Variants in SHQ1 observed in about 807,000 individuals in gnomAD.
The protein encoded by SHQ1 is protein SHQ1 homolog.
A neutral mutation model predicts 53.8 loss-of-function variants in SHQ1; 49 were observed. The ratio of observed to expected loss-of-function variants is 0.91; its 90% CI spans 0.72 to 1.16. The LOEUF is 1.16. SHQ1 is among the 50% of genes most tolerant of loss of function. The pLI, the probability that SHQ1 is intolerant of heterozygous loss-of-function variation, is 0.00. For synonymous variants in SHQ1, 243 were observed against 251.0 expected, an observed-to-expected ratio of 0.97 and a Z score of 0.30; for missense variants, 738 against 683.1, an observed-to-expected ratio of 1.08 and a Z score of -0.90.
rs548954455 is a variant in SHQ1 at position 72,769,858 on chromosome 3, G to C, written c.1182-19022C>G. Among the ~76,000 whole-genome samples the C allele has an allele frequency of 3.6e-4, 55 of 152,300 alleles. No homozygotes were observed. The South Asian group carries it at 0.01, about 28-fold the overall frequency. On this transcript the variant is annotated intron_variant, in intron 10 of 10. Transcript: ENST00000325599. ...GTCGGCAAACAACTGACTGACCACA[G>C]CAAGGAGGTTAAGAGCTCAGGCTCT...
chr3:72,785,138 G>A (rs1352153024), intron 10 of SHQ1, among the ~76,000 whole-genome samples: 3 of 152,214 alleles, frequency 2.0e-5, no homozygotes, highest in South Asian at 2.1e-4. Context: ...CATGTGCAGT[G>A]AGAGAGAAGA....
Position 72,848,214 on chromosome 3 carries a change from T to TA in SHQ1, c.126_127insT (p.Lys43Ter). ...CGAACTCGCCTGAGAAAGTATGGCTTGGCGTAGAACTTGAAGTCAGACCCC... is the reference window on the plus strand; with the variant it reads ...CGAACTCGCCTGAGAAAGTATGGCTTAGGCGTAGAACTTGAAGTCAGACCCC... On this transcript the variant is annotated frameshift_variant, in exon 1 of 11. Coordinates refer to ENST00000325599, the MANE Select transcript of SHQ1 (RefSeq NM_018130.3). LOFTEE classifies it high-confidence loss of function. The TA allele has an allele frequency of 6.2e-7, 1 of 1,614,160 alleles. No homozygotes were observed. The highest frequency in any genetic ancestry group is 8.5e-7 in the Non-Finnish European group (1 of 1,180,024).
intron 9 of SHQ1, among the ~76,000 whole-genome samples, chr3:72,808,638 G>T (rs147575514): frequency 3.9e-5 from 6 of 152,288 alleles, no homozygotes; most frequent in Admixed American, 2.6e-4. Context: ...ACACGCAGCT[G>T]TGGTTATTAT....
At chr3:72,753,105 C>A (rs927245808) in intron 10 of SHQ1, 1 of 985,240 alleles carries the variant, frequency 1.0e-6, no homozygotes, top group African/African-American at 1.7e-5. Context: ...TGGCATTCTC[C>A]AAAGATGACT....
At chr3:72,804,618 G>A (rs549732126) in intron 9 of SHQ1, among the ~76,000 whole-genome samples, 8 of 152,168 alleles carry the variant, frequency 5.3e-5, no homozygotes, top group African/African-American at 1.2e-4. Flanking sequence ...TCCCTTGCAC[G>A]GAGAATAGAT....
Position 72,815,420 on chromosome 3 carries a change from G to A in SHQ1, c.883-17C>T. 2 of 1,604,110 alleles carry A rather than the reference G, an allele frequency of 1.2e-6. No individual in the cohort carries two copies. The highest frequency in any genetic ancestry group is 2.2e-5 in the East Asian group (1 of 44,774). On this transcript the variant is annotated splice_polypyrimidine_tract_variant and intron_variant, in intron 7 of 10. Transcript: ENST00000325599. ...AGATTCAACCTTTATTTGTTTTGGA[G>A]AAAAGAATACCATCACATTAGAGGT...
rs187089345 is a variant in SHQ1 at position 72,810,118 on chromosome 3, A to G, written c.1060+2553T>C. 2.2e-4 allele frequency among the ~76,000 whole-genome samples: 33 copies of G among 152,316 alleles called. 1 individual carries two copies. The highest frequency in any genetic ancestry group is 6.7e-4 in the African/African-American group (28 of 41,568). ...AAAAAGAATGGAACAGAGGCAATAA[A>G]AGTTGAAGAGACAGAGACAGGGGAA... On this transcript the variant is annotated intron_variant, in intron 9 of 10. Coordinates refer to ENST00000325599, the MANE Select transcript of SHQ1 (RefSeq NM_018130.3).
At chr3:72,779,000 T>C (rs1553376) in intron 10 of SHQ1, among the ~76,000 whole-genome samples, 38,419 of 152,134 alleles carry the variant, frequency 0.25, 5,207 homozygotes, top group African/African-American at 0.32. Context: ...CATAAGGGCA[T>C]TATTAATAGT....
At chr3:72,829,429 G>A (rs973408339) in intron 5 of SHQ1, among the ~76,000 whole-genome samples, 5 of 152,198 alleles carry the variant, frequency 3.3e-5, no homozygotes, top group African/African-American at 7.2e-5. Context: ...AGATCTTGCC[G>A]TAGGCACCAC....
chr3:72,791,720 TG>T (rs1273560834), intron 10 of SHQ1, among the ~76,000 whole-genome samples: 2 of 151,670 alleles, frequency 1.3e-5, no homozygotes, highest in East Asian at 1.9e-4. Flanking sequence ...TTTTTTGTTT[TG>T]TTTTTTTTTT....
At chr3:72,837,969 T>G (rs1364116861) in intron 4 of SHQ1, among the ~76,000 whole-genome samples, 1 of 152,266 alleles carries the variant, frequency 6.6e-6, no homozygotes, top group East Asian at 1.9e-4. Flanking sequence ...TTTCTAAGTC[T>G]GGTTGCTGCA....
chr3:72,793,061 A>G lies in SHQ1; in HGVS notation c.1061-25T>C, dbSNP rs941586324. On this transcript the variant is annotated intron_variant, in intron 9 of 10. Transcript: ENST00000325599. The stretch of plus-strand genomic sequence containing the variant: ...CCTAAAGAAAATTGAAAAAACATAA[A>G]ATTATCCTTAAGAAAAAGAAATTCA... 3.2e-6 allele frequency: 5 copies of G among 1,576,936 alleles called. No individual in the cohort carries two copies. In the African/African-American group the frequency reaches 6.8e-5, roughly 22 times the overall value.
At chr3:72,767,125 T>C (rs1425776617) in intron 10 of SHQ1, among the ~76,000 whole-genome samples, 3 of 152,178 alleles carry the variant, frequency 2.0e-5, no homozygotes. Flanking sequence ...CAAGCACTAA[T>C]CCTCCACACG....
chr3:72,755,226 A>G (rs1358942808), intron 10 of SHQ1, among the ~76,000 whole-genome samples: 1 of 152,136 alleles, frequency 6.6e-6, no homozygotes, highest in Non-Finnish European at 1.5e-5. Flanking sequence ...TAAAATTACC[A>G]GGTTATACAA....
At chr3:72,760,195 T>G (rs562661047) in intron 10 of SHQ1, among the ~76,000 whole-genome samples, 1 of 152,276 alleles carries the variant, frequency 6.6e-6, no homozygotes, top group Admixed American at 6.5e-5. Context: ...GACTTGCAAT[T>G]TATTTGCACT....
intron 4 of SHQ1, among the ~76,000 whole-genome samples, chr3:72,840,560 CAAAAA>C (rs572046519): frequency 5.1e-5 from 5 of 97,372 alleles, no homozygotes; most frequent in Non-Finnish European, 2.3e-5. Context: ...GACTCCGTCT[CAAAAA>C]AAAAAAAAAA....
downstream of SHQ1, among the ~76,000 whole-genome samples, chr3:72,745,185 G>A (rs1171488895): frequency 2.0e-5 from 3 of 151,462 alleles, no homozygotes; most frequent in African/African-American, 7.3e-5. Flanking sequence ...TCTTAAATAT[G>A]GCCCTCTCTC....
At chr3:72,796,117 A>G (rs1343714338) in intron 9 of SHQ1, among the ~76,000 whole-genome samples, 2 of 150,390 alleles carry the variant, frequency 1.3e-5, no homozygotes, top group African/African-American at 5.0e-5. Flanking sequence ...AAAAAAAAAA[A>G]AAAAAAAGAA....
At position 72,840,945 on chromosome 3, in the gene SHQ1, A is replaced by C. The variant is rs1457121659; in HGVS notation, c.486+100T>G. ...TGCTTTAAATACAATCACCTCCTGT[A>C]ATATTATTTTTAAAAACTACCAAGT... is the stretch of plus-strand genomic sequence containing the variant. On this transcript the variant is annotated intron_variant, in intron 4 of 10. Coordinates refer to ENST00000325599, the MANE Select transcript of SHQ1 (RefSeq NM_018130.3). 4.6e-5 allele frequency: 62 copies of C among 1,341,960 alleles called. No individual in the cohort carries two copies. The Middle Eastern group carries it at 3.0e-3, about 66-fold the overall frequency. The allele number at this position is 1,341,960 out of a possible 1,614,324, so 83.1% of individuals were successfully genotyped here. A position where few individuals can be genotyped will look rare whatever the true frequency, so the allele number is the denominator to read the frequency against.
Sources: allele counts gnomAD v4.1 joint callset (sites outside exome capture counted in the v4.1 genomes callset), GRCh38; gene constraint gnomAD v4.1.1; transcripts MANE v1.5; gene names NCBI Gene and HGNC (gene_info 2026-07-23, HGNC 2026-07-21).